Variants in ATP2A2 observed in about 807,000 individuals in gnomAD.
The protein encoded by ATP2A2 is sarcoplasmic/endoplasmic reticulum calcium ATPase 2.
In ATP2A2, 14 loss-of-function variants were observed where a neutral mutation model predicts 109.3. That is an observed-to-expected ratio of 0.13 (90% CI 0.08 to 0.20). The LOEUF (loss-of-function observed/expected upper bound fraction) is 0.20. Among genes scored for constraint, ATP2A2 ranks in the 10% least tolerant of loss-of-function variants. ATP2A2 has a pLI of 1.00. For missense variants in ATP2A2, 657 were observed against 1,321.6 expected (o/e 0.50, Z 7.80); for synonymous variants, 506 against 490.9 (o/e 1.03, Z -0.41).
chr12:110,311,837 A>G (rs1009695249), intron 5 of ATP2A2, among the ~76,000 whole-genome samples: 1 of 151,818 alleles, frequency 6.6e-6, no homozygotes, highest in Non-Finnish European at 1.5e-5. Context: ...CAGGAGTTTG[A>G]GACCAGCCTG....
intron 7 of ATP2A2, among the ~76,000 whole-genome samples, chr12:110,326,930 A>G (rs766725765): frequency 3.3e-5 from 5 of 152,178 alleles, no homozygotes; most frequent in Non-Finnish European, 5.9e-5. Context: ...CACTTTTTCT[A>G]TTGATGTGAA....
rs965477193 is a variant in ATP2A2 at position 110,299,550 on chromosome 12, A to G, written c.463+2813A>G. Among the ~76,000 whole-genome samples the G allele has an allele frequency of 3.3e-5, 5 of 152,320 alleles. No individual in the cohort carries two copies. The East Asian group carries it at 5.8e-4, about 18-fold the overall frequency. On this transcript the variant is annotated intron_variant, in intron 5 of 19. Transcript: ENST00000539276. ...CCTAGAATATTAACTCTGAATCTCC[A>G]TTGGGTACAGAGTTCTGATCGTGAG...
intron 4 of ATP2A2, among the ~76,000 whole-genome samples, chr12:110,293,380 T>TG (rs1566203457): frequency 1.0e-3 from 125 of 122,032 alleles, no homozygotes; most frequent in African/African-American, 4.1e-3. Flanking sequence ...TTTTTTTTTT[T>TG]TTTTTTTTGT....
chr12:110,338,919 T>TC (rs1482252898), intron 11 of ATP2A2, among the ~76,000 whole-genome samples: 1 of 152,202 alleles, frequency 6.6e-6, no homozygotes, highest in Non-Finnish European at 1.5e-5. Flanking sequence ...AGGTTGCACT[T>TC]CCGTTCTCTG....
In ATP2A2 at chr12:110,351,026, T is replaced by C. The variant is rs1880344677; in HGVS notation, c.*4556T>C. Reference sequence around the variant, plus strand: ...TGTAAATAGAGATCAGTTTGTTTCTTTCTGTGCTGGTAACAATGAGCGTCG... The same window carrying C: ...TGTAAATAGAGATCAGTTTGTTTCTCTCTGTGCTGGTAACAATGAGCGTCG... On this transcript the variant is annotated 3_prime_UTR_variant, in exon 20 of 20. Coordinates refer to ENST00000539276, the MANE Select transcript of ATP2A2 (RefSeq NM_170665.4). 1 of 152,576 alleles carries C rather than the reference T, an allele frequency of 6.6e-6. No individual in the cohort carries two copies. Among genetic ancestry groups the C allele is most frequent in the African/African-American group, 2.4e-5 (1 of 41,466 alleles). 9.5% of individuals were successfully genotyped at this position (152,576 alleles called of 1,614,324 possible).
At chr12:110,293,378 T>G (rs980866342) in intron 4 of ATP2A2, among the ~76,000 whole-genome samples, 2 of 122,670 alleles carry the variant, frequency 1.6e-5, no homozygotes, top group African/African-American at 6.7e-5. Flanking sequence ...TTTTTTTTTT[T>G]TTTTTTTTTT....
At chr12:110,320,698 T>C (rs529441470) in intron 5 of ATP2A2, among the ~76,000 whole-genome samples, 85 of 152,246 alleles carry the variant, frequency 5.6e-4, no homozygotes, top group Non-Finnish European at 1.0e-3. Flanking sequence ...TTGCTGTTCA[T>C]TGCACAAGCA....
chr12:110,337,857 A>C (rs1364955570), intron 11 of ATP2A2, among the ~76,000 whole-genome samples: 1 of 152,218 alleles, frequency 6.6e-6, no homozygotes, highest in Non-Finnish European at 1.5e-5. Flanking sequence ...AACATAACAG[A>C]ATTCTCACCA....
chr12:110,343,128 G>T, intron 15 of ATP2A2, 104 bp from the exon 16 acceptor site: 1 of 1,174,482 alleles, frequency 8.5e-7, no homozygotes. Context: ...ACCTGAAGTT[G>T]TTGTCATTTA....
At chr12:110,334,896 TTTC>T (rs1322739751) in intron 11 of ATP2A2, among the ~76,000 whole-genome samples, 14 of 152,128 alleles carry the variant, frequency 9.2e-5, no homozygotes. Flanking sequence ...GCATCAAACA[TTTC>T]TTAACTCATT....
At chr12:110,324,512 C>T (rs975523970) in intron 6 of ATP2A2, among the ~76,000 whole-genome samples, 34 of 152,224 alleles carry the variant, frequency 2.2e-4, no homozygotes, top group African/African-American at 8.2e-4. Flanking sequence ...ACCTCTGCCT[C>T]CTGGATTCAA....
In ATP2A2 at chr12:110,342,759, TTA is replaced by T. The variant is rs1879476752; in HGVS notation, c.2318+313_2318+314del. The stretch of plus-strand genomic sequence containing the variant: ...TATCTCAGTCAGCTTAATAATTTTT[TTA>T]TTTTTATTTATTTTTTTGAGACAGT... On this transcript the variant is annotated intron_variant, in intron 15 of 19. Transcript: ENST00000539276. This position sits in a 1 kb window ranked among gnomAD's most constrained non-coding sequence, Gnocchi z 4.6. Among the ~76,000 whole-genome samples the T allele has an allele frequency of 6.6e-6, 1 of 152,196 alleles. No individual in the cohort carries two copies. Among genetic ancestry groups the T allele is most frequent in the South Asian group, 2.1e-4 (1 of 4,828 alleles).
At chr12:110,294,617 C>T (rs949231122) in intron 4 of ATP2A2, among the ~76,000 whole-genome samples, 4 of 151,888 alleles carry the variant, frequency 2.6e-5, no homozygotes, top group Non-Finnish European at 5.9e-5. Context: ...CCACTGCACT[C>T]GAGCCTGGGC....
In ATP2A2 at chr12:110,343,427, T is replaced by C; in HGVS notation, c.2514T>C (p.Ala838=). The change falls in exon 16 of 20, where the codon GCT becomes GCC. Residue 838 remains alanine, a synonymous_variant. Coordinates refer to ENST00000539276, the MANE Select transcript of ATP2A2 (RefSeq NM_170665.4). ...GGTGGCTCTTTTTCCGTTACTTGGC[T>C]ATTGGCTGTGAGTACAATTTTTTTA... ...ISGWLFFRYL[A]IGCYVGAATV... The C allele has an allele frequency of 6.2e-7, 1 of 1,614,200 alleles. No individual in the cohort carries two copies. Among genetic ancestry groups the C allele is most frequent in the Non-Finnish European group, 8.5e-7 (1 of 1,180,002 alleles).
intron 5 of ATP2A2, among the ~76,000 whole-genome samples, chr12:110,313,769 G>A (rs1156767918): frequency 6.8e-6 from 1 of 147,528 alleles, no homozygotes; most frequent in Non-Finnish European, 1.5e-5. Context: ...GGAGAGCAGT[G>A]GTGCAATCTT....
chr12:110,286,207 A>G (rs1432045444), intron 3 of ATP2A2, among the ~76,000 whole-genome samples: 1 of 152,096 alleles, frequency 6.6e-6, no homozygotes, highest in Non-Finnish European at 1.5e-5. Flanking sequence ...ACAGGCATGA[A>G]CCACTGCGCC....
chr12:110,285,681 A>G (rs545757895), intron 3 of ATP2A2, among the ~76,000 whole-genome samples: 169 of 152,330 alleles, frequency 1.1e-3, no homozygotes, highest in African/African-American at 4.0e-3. Context: ...GGAGGTGGGC[A>G]TTAGGGCCAT....
In ATP2A2 at chr12:110,339,332, A is replaced by G; in HGVS notation, c.1471A>G (p.Arg491Gly). 1 of 1,614,204 alleles carries G rather than the reference A, an allele frequency of 6.2e-7. No individual in the cohort carries two copies. The highest frequency in any genetic ancestry group is 8.5e-7 in the Non-Finnish European group (1 of 1,180,026). The part of the protein sequence containing the change: ...KEFTLEFSRD[R>G]KSMSVYCTPN... ...ATTCACTCTAGAGTTTTCACGTGAC[A>G]GAAAGTCAATGTCGGTTTACTGTAC... The change falls in exon 12 of 20, where the codon AGA becomes GGA. Residue 491 changes from arginine to glycine, a missense_variant. Coordinates refer to ENST00000539276, the MANE Select transcript of ATP2A2 (RefSeq NM_170665.4). This position sits in a 1 kb window ranked among gnomAD's most constrained non-coding sequence, Gnocchi z 4.4.
At position 110,342,204 on chromosome 12, in the gene ATP2A2, C is replaced by G; in HGVS notation, c.2098-24C>G. 6.2e-7 allele frequency: 1 copy of G among 1,614,000 alleles called. No individual in the cohort carries two copies. Among genetic ancestry groups the G allele is most frequent in the Middle Eastern group, 1.6e-4 (1 of 6,062 alleles). Reference sequence around the variant, plus strand: ...TGAATGTGGCATGCCAGTTGGCTGACCCAACCATTGCTTTCCCTTTCAGAC... The same window carrying G: ...TGAATGTGGCATGCCAGTTGGCTGAGCCAACCATTGCTTTCCCTTTCAGAC... On this transcript the variant is annotated intron_variant, in intron 14 of 19. Transcript: ENST00000539276. The surrounding 1 kb of genome is among the most constrained non-coding windows in gnomAD (Gnocchi z 4.6).
Sources: gnomAD v4.1 joint callset for allele counts (sites outside exome capture counted in the v4.1 genomes callset) on GRCh38, gnomAD v4.1.1 for gene constraint, Gnocchi (gnomAD v3.1) non-coding constraint, MANE v1.5 for transcripts, NCBI Gene and HGNC (gene_info 2026-07-23, HGNC 2026-07-21) for gene names.